Variants in TIMM23B observed in about 807,000 individuals in gnomAD.
TIMM23B encodes translocase of inner mitochondrial membrane 23 homolog B.
In TIMM23B, 27 loss-of-function variants were observed where a neutral mutation model predicts 27.3. The observed-to-expected ratio is 0.99, with a 90% CI of 0.73 to 1.36. The LOEUF (loss-of-function observed/expected upper bound fraction) is 1.36, where lower values mean the gene tolerates loss of function less well. Among genes scored for constraint, TIMM23B ranks in the 40% most tolerant of loss-of-function variants. The pLI, the probability that TIMM23B is intolerant of heterozygous loss-of-function variation, is 0.00. For missense variants in TIMM23B, 205 were observed against 244.2 expected (o/e 0.84, Z 1.07); for synonymous variants, 73 against 92.4 (o/e 0.79, Z 1.21).
At chr10:49,964,358 A>G (rs1308833217) in intron 6 of TIMM23B, among the ~76,000 whole-genome samples, 5 of 150,256 alleles carry the variant, frequency 3.3e-5, no homozygotes, top group African/African-American at 9.8e-5. Flanking sequence ...GAAATATGAA[A>G]TGCTGGGTGA....
At position 49,947,481 on chromosome 10, in the gene TIMM23B, C is replaced by T. The variant is rs1192793608; in HGVS notation, c.165+2391C>T. Among the ~76,000 whole-genome samples, 4 of 151,932 alleles carry T rather than the reference C, an allele frequency of 2.6e-5. No homozygotes were observed. In the East Asian group the frequency reaches 5.8e-4, roughly 22 times the overall value. ...AAAATTAGCCAGGCGTGGTGCTGGG[C>T]GCCTGTAATCCCAGCTACTTGGGAG... On this transcript the variant is annotated intron_variant, in intron 2 of 6. Coordinates refer to ENST00000651259, the MANE Select transcript of TIMM23B (RefSeq NM_001290117.2).
At chr10:49,948,673 C>T (rs1301130782) in intron 2 of TIMM23B, among the ~76,000 whole-genome samples, 40 of 152,210 alleles carry the variant, frequency 2.6e-4, no homozygotes, top group Admixed American at 2.4e-3. Context: ...AATATATGGA[C>T]AAGAAAGTAG....
At chr10:49,962,836 C>T (rs1388573956) in intron 6 of TIMM23B, among the ~76,000 whole-genome samples, 4 of 151,292 alleles carry the variant, frequency 2.6e-5, no homozygotes, top group African/African-American at 9.7e-5. Context: ...TGAATGACTA[C>T]TGCCAAATGA....
At chr10:49,957,405 A>G (rs1839760873) in intron 5 of TIMM23B, among the ~76,000 whole-genome samples, 1 of 151,918 alleles carries the variant, frequency 6.6e-6, no homozygotes, top group Non-Finnish European at 1.5e-5. Flanking sequence ...ATGCACCACC[A>G]TGCCAACTAA....
chr10:49,963,409 C>T (rs572718742), intron 6 of TIMM23B, among the ~76,000 whole-genome samples: 33 of 152,018 alleles, frequency 2.2e-4, no homozygotes, highest in African/African-American at 4.3e-4. Context: ...AATGAAATGC[C>T]GGGTGCAGTG....
intron 6 of TIMM23B, among the ~76,000 whole-genome samples, chr10:49,964,549 G>A (rs1186044683): frequency 2.7e-5 from 4 of 150,938 alleles, no homozygotes; most frequent in South Asian, 2.1e-4. Context: ...TCTCCGTCTC[G>A]AAATGAAATG....
intron 2 of TIMM23B, among the ~76,000 whole-genome samples, chr10:49,948,128 AG>A (rs1243953362): frequency 1.2e-3 from 176 of 152,348 alleles, no homozygotes; most frequent in African/African-American, 3.9e-3. Context: ...ATGACATGAA[AG>A]CTGGTCAGTA....
At chr10:49,971,355 C>T (rs1554856545) in intron 6 of TIMM23B, among the ~76,000 whole-genome samples, 1 of 149,336 alleles carries the variant, frequency 6.7e-6, no homozygotes, top group African/African-American at 2.5e-5. Flanking sequence ...AAAAATACTG[C>T]AAGAACATCT....
Position 49,972,406 on chromosome 10 carries a change from T to TAGGAA in TIMM23B, c.515-603_515-599dup, listed in dbSNP as rs1232632459. Among the ~76,000 whole-genome samples the TAGGAA allele has an allele frequency of 2.0e-5, 3 of 151,176 alleles. No individual in the cohort carries two copies. The East Asian group carries it at 5.9e-4, about 30-fold the overall frequency. ...TCATCCAAATCCTGCTGAACTCTCT[T>TAGGAA]AGGAAAGAACAGTTTTACAGATTCA... is the stretch of plus-strand genomic sequence containing the variant. On this transcript the variant is annotated intron_variant, in intron 6 of 6. Transcript: ENST00000651259.
intron 5 of TIMM23B, among the ~76,000 whole-genome samples, chr10:49,957,205 C>T (rs1839754215): frequency 1.3e-5 from 2 of 151,608 alleles, no homozygotes; most frequent in Non-Finnish European, 2.9e-5. Context: ...TGGATTGGCT[C>T]ACAGAACTCG....
intron 2 of TIMM23B, among the ~76,000 whole-genome samples, chr10:49,947,180 AT>A (rs1443933548): frequency 6.6e-6 from 1 of 152,256 alleles, no homozygotes; most frequent in African/African-American, 2.4e-5. Context: ...AGAAGAAATC[AT>A]GGGCACAAGT....
At chr10:49,960,166 C>G (rs1464931442) in intron 6 of TIMM23B, among the ~76,000 whole-genome samples, 58 of 150,926 alleles carry the variant, frequency 3.8e-4, no homozygotes, top group South Asian at 1.1e-3. Context: ...ATCTCAGCCT[C>G]CTGAGTAGCT....
intron 6 of TIMM23B, among the ~76,000 whole-genome samples, chr10:49,969,429 C>G (rs1554856063): frequency 7.5e-6 from 1 of 133,346 alleles, no homozygotes; most frequent in African/African-American, 2.9e-5. Context: ...AGAGTGAGAC[C>G]CTGTGTCAAA....
chr10:49,942,877 C>T (rs1180496631), intron 1 of TIMM23B, among the ~76,000 whole-genome samples: 3 of 152,142 alleles, frequency 2.0e-5, no homozygotes, highest in Non-Finnish European at 4.4e-5. Flanking sequence ...TAGGCAACAT[C>T]AAGGTATACA....
At chr10:49,961,688 C>G (rs1839919051) in intron 6 of TIMM23B, among the ~76,000 whole-genome samples, 2 of 151,848 alleles carry the variant, frequency 1.3e-5, no homozygotes, top group Non-Finnish European at 2.9e-5. Context: ...CAGCCTTGAA[C>G]TCCTGGGCTC....
chr10:49,953,671 A>G (rs1460526078), intron 4 of TIMM23B, among the ~76,000 whole-genome samples: 4 of 152,042 alleles, frequency 2.6e-5, no homozygotes, highest in African/African-American at 7.2e-5. Context: ...TATTCCTGTT[A>G]CTGTGTGGAT....
At chr10:49,944,614 C>T (rs1343596222) in intron 1 of TIMM23B, among the ~76,000 whole-genome samples, 4 of 152,072 alleles carry the variant, frequency 2.6e-5, no homozygotes, top group African/African-American at 4.8e-5. Flanking sequence ...AACATGTACA[C>T]AGTCAGAAAA....
At chr10:49,965,464 G>C (rs1284584884) in intron 6 of TIMM23B, among the ~76,000 whole-genome samples, 7 of 145,532 alleles carry the variant, frequency 4.8e-5, no homozygotes, top group African/African-American at 1.7e-4. Flanking sequence ...TGAAATGCCG[G>C]GTGTGGTGGT....
Position 49,974,318 on chromosome 10 carries a change from C to T in TIMM23B, c.*1254C>T, listed in dbSNP as rs1203568482. On this transcript the variant is annotated 3_prime_UTR_variant, in exon 7 of 7. Coordinates refer to ENST00000651259, the MANE Select transcript of TIMM23B (RefSeq NM_001290117.2). ...TTGTATACTGTCACACTGTGTATTCCCTGCATTGAATGCCTGTCTGTTGAC... is the reference window on the plus strand; with the variant it reads ...TTGTATACTGTCACACTGTGTATTCTCTGCATTGAATGCCTGTCTGTTGAC... The T allele has an allele frequency of 3.3e-5, 5 of 151,484 alleles. No individual in the cohort carries two copies. The highest frequency in any genetic ancestry group is 6.6e-5 in the Admixed American group (1 of 15,222). 9.4% of individuals were successfully genotyped at this position (151,484 alleles called of 1,614,324 possible).
Sources: gnomAD v4.1 joint callset for allele counts (sites outside exome capture counted in the v4.1 genomes callset) on GRCh38, gnomAD v4.1.1 for gene constraint, MANE v1.5 for transcripts, NCBI Gene and HGNC (gene_info 2026-07-23, HGNC 2026-07-21) for gene names.